The following STK33 variants were observed in gnomAD, a reference collection of about 807,000 sequenced individuals.
STK33 encodes the protein serine/threonine kinase 33, also known as serine/threonine-protein kinase 33.
STK33 carries 52 observed loss-of-function variants against 58.0 expected under a neutral mutation model. The observed-to-expected ratio is 0.90, with a 90% CI of 0.72 to 1.13. The LOEUF is 1.13. Among genes scored for constraint, STK33 ranks in the 50% most tolerant of loss-of-function variants. The probability of loss-of-function intolerance (pLI) is 0.00; values close to 1 mark genes in which losing one functional copy is unlikely to be tolerated. For missense variants in STK33, 630 were observed against 604.2 expected, an observed-to-expected ratio of 1.04 and a Z score of -0.45; for synonymous variants, 215 against 200.1, an observed-to-expected ratio of 1.07 and a Z score of -0.63.
intron 1 of STK33, among the ~76,000 whole-genome samples, chr11:8,498,738 T>C (rs1401847580): frequency 1.3e-5 from 2 of 152,246 alleles, no homozygotes; most frequent in East Asian, 1.9e-4. Flanking sequence ...AACAGATATA[T>C]AGACCAATGG....
At chr11:8,561,547 T>C (rs1957112172) in intron 1 of STK33, among the ~76,000 whole-genome samples, 1 of 152,200 alleles carries the variant, frequency 6.6e-6, no homozygotes, top group South Asian at 2.1e-4. Context: ...TAGAATTCTG[T>C]GTTCTTTGAA....
chr11:8,582,352 G>A lies in STK33; in HGVS notation c.-466+11731C>T, dbSNP rs1330208699. Among the ~76,000 whole-genome samples, 10 of 152,164 alleles carry A rather than the reference G, an allele frequency of 6.6e-5. No homozygotes were observed. In the East Asian group the frequency reaches 1.2e-3, roughly 18 times the overall value. On this transcript the variant is annotated intron_variant, in intron 1 of 15. Transcript: ENST00000687296. ...GTATTGTATTAGTCTGTTTTCATAC[G>A]GCTATAAAGAACTGCCCAAGACTGG...
At chr11:8,490,913 C>T (rs1449746738) in intron 1 of STK33, among the ~76,000 whole-genome samples, 3 of 152,106 alleles carry the variant, frequency 2.0e-5, no homozygotes, top group East Asian at 1.9e-4. Flanking sequence ...AAAAGGATAT[C>T]CACACCAAAA....
At chr11:8,444,715 A>G (rs148174378) in intron 11 of STK33, among the ~76,000 whole-genome samples, 112 of 152,288 alleles carry the variant, frequency 7.4e-4, no homozygotes, top group Non-Finnish European at 1.2e-3. Context: ...CTAGAAAAAC[A>G]TAAATTATCA....
At chr11:8,593,119 G>GCCAAATTTCT (rs2032874317) in intron 1 of STK33, among the ~76,000 whole-genome samples, 1 of 152,184 alleles carries the variant, frequency 6.6e-6, no homozygotes, top group Non-Finnish European at 1.5e-5. Flanking sequence ...GCAAACTAGA[G>GCCAAATTTCT]GTTGGTATGA....
At chr11:8,396,656 G>C (rs1256274140) in intron 15 of STK33, among the ~76,000 whole-genome samples, 1 of 152,206 alleles carries the variant, frequency 6.6e-6, no homozygotes, top group Non-Finnish European at 1.5e-5. Flanking sequence ...AGCCGAAGCA[G>C]GGTGAGGCAT....
intron 1 of STK33, among the ~76,000 whole-genome samples, chr11:8,521,424 T>C (rs564780566): frequency 4.4e-4 from 67 of 152,342 alleles, no homozygotes; most frequent in Non-Finnish European, 7.8e-4. Flanking sequence ...GTCAGCCATA[T>C]GTAGAAAGCT....
chr11:8,506,924 T>C (rs1268502163), intron 1 of STK33, among the ~76,000 whole-genome samples: 1 of 152,214 alleles, frequency 6.6e-6, no homozygotes, highest in Non-Finnish European at 1.5e-5. Flanking sequence ...TGAGTGTCTA[T>C]TCACATGCTA....
intron 11 of STK33, among the ~76,000 whole-genome samples, chr11:8,441,054 G>C (rs1195244372): frequency 6.6e-6 from 1 of 152,112 alleles, no homozygotes; most frequent in East Asian, 1.9e-4. Flanking sequence ...AGTTATAGTA[G>C]AAGACAACAA....
intron 4 of STK33, 148 bp from the exon 5 acceptor site, chr11:8,475,214 G>C (rs895906356): frequency 4.3e-6 from 1 of 235,070 alleles, no homozygotes; most frequent in African/African-American, 2.2e-5. Flanking sequence ...TGAAAAGCAT[G>C]GTCTAAAACA....
At chr11:8,557,732 T>A (rs751767153) in intron 1 of STK33, among the ~76,000 whole-genome samples, 1 of 151,416 alleles carries the variant, frequency 6.6e-6, no homozygotes, top group Non-Finnish European at 1.5e-5. Flanking sequence ...ACCTATATCA[T>A]CACTGGAGTA....
rs1428125938 is a variant in STK33, at chr11:8,399,490, C to T, written c.1345-6780G>A. Among the ~76,000 whole-genome samples the T allele has an allele frequency of 2.0e-5, 3 of 152,184 alleles. No homozygotes were observed. The East Asian group carries it at 5.8e-4, about 29-fold the overall frequency. Reference sequence around the variant, plus strand: ...GCAGTGTGTAGAAGGAAATTTATAGCACTAAATGTCCACAAGAGAAAGCAG... The same window carrying T: ...GCAGTGTGTAGAAGGAAATTTATAGTACTAAATGTCCACAAGAGAAAGCAG... On this transcript the variant is annotated intron_variant, in intron 15 of 15. Transcript: ENST00000687296.
At chr11:8,391,222 G>A (rs1590668181), downstream of STK33, among the ~76,000 whole-genome samples, 3 of 152,282 alleles carry the variant, frequency 2.0e-5, no homozygotes, top group South Asian at 4.1e-4. Flanking sequence ...CTTATGATAC[G>A]ACTGGAACTA....
chr11:8,519,099 C>T (rs1953116326), intron 1 of STK33, among the ~76,000 whole-genome samples: 2 of 152,228 alleles, frequency 1.3e-5, no homozygotes, highest in Admixed American at 1.3e-4. Flanking sequence ...AAGTAAAGCA[C>T]TCCTTAGCAA....
chr11:8,519,969 G>T (rs1221666274), intron 1 of STK33, among the ~76,000 whole-genome samples: 1 of 152,140 alleles, frequency 6.6e-6, no homozygotes, highest in Non-Finnish European at 1.5e-5. Context: ...TAGAAAAAGA[G>T]AAAATCCTCC....
At chr11:8,536,723 T>C (rs1292018402) in intron 1 of STK33, among the ~76,000 whole-genome samples, 2 of 152,108 alleles carry the variant, frequency 1.3e-5, no homozygotes, top group Admixed American at 1.3e-4. Context: ...ATATCTTCTA[T>C]TTCTATGCTG....
At chr11:8,582,782 T>G (rs2030635897) in intron 1 of STK33, among the ~76,000 whole-genome samples, 2 of 152,228 alleles carry the variant, frequency 1.3e-5, no homozygotes, top group Non-Finnish European at 2.9e-5. Flanking sequence ...TATCACAGCC[T>G]TCTGGGCTAT....
chr11:8,372,919 C>T, the STK33 span, among the ~76,000 whole-genome samples: 5 of 152,328 alleles, frequency 3.3e-5, no homozygotes, highest in East Asian at 9.7e-4. Context: ...TGGAGGTAGC[C>T]AGGCAGGGCT....
chr11:8,378,391 G>A, the STK33 span, among the ~76,000 whole-genome samples: 1 of 152,190 alleles, frequency 6.6e-6, no homozygotes, highest in Non-Finnish European at 1.5e-5. Context: ...GGTGGTGCAT[G>A]CCTGTAATCC....
Sources: allele counts gnomAD v4.1 joint callset (sites outside exome capture counted in the v4.1 genomes callset), GRCh38; gene constraint gnomAD v4.1.1; transcripts MANE v1.5; gene names NCBI Gene and HGNC (gene_info 2026-07-23, HGNC 2026-07-21).